LASP1: variants seen among roughly 807,000 people sequenced by gnomAD.
The protein encoded by LASP1 is LIM and SH3 protein 1, also known as LIM and SH3 domain protein 1.
LASP1 carries 10 observed loss-of-function variants against 38.6 expected under a neutral mutation model. The observed-to-expected ratio is 0.26, with a 90% CI of 0.16 to 0.44. The LOEUF (loss-of-function observed/expected upper bound fraction) is 0.44. LASP1 is among the 20% of genes least tolerant of loss of function. LASP1 has a pLI of 1.00. For missense variants in LASP1, 243 were observed against 375.7 expected, an observed-to-expected ratio of 0.65 and a Z score of 2.92; for synonymous variants, 132 against 140.8, an observed-to-expected ratio of 0.94 and a Z score of 0.44.
At chr17:38,914,993 G>T in intron 5 of LASP1, 50 bp from the exon 6 acceptor site, 1 of 1,570,292 alleles carries the variant, frequency 6.4e-7, no homozygotes, top group Non-Finnish European at 8.8e-7. Context: ...TCTGGGAGGG[G>T]CTGGGTTTGG....
chr17:38,895,244 G>A (rs182668608), intron 3 of LASP1, among the ~76,000 whole-genome samples: 3 of 150,880 alleles, frequency 2.0e-5, no homozygotes, highest in Admixed American at 6.6e-5. Context: ...TCCTGGGCTC[G>A]AGTGATCCAC....
chr17:38,901,935 G>C (rs1914651921), intron 4 of LASP1, among the ~76,000 whole-genome samples: 1 of 151,820 alleles, frequency 6.6e-6, no homozygotes, highest in African/African-American at 2.4e-5. Flanking sequence ...CCGGCTAATA[G>C]TTTTTGTATT....
chr17:38,920,951 A>G lies in LASP1; in HGVS notation c.*2173A>G, dbSNP rs1915282828. ...GTGGTGAGTGGAAGGGAGGAGCAGC[A>G]AGAAGCAGCCTGTTTTCACTCAGCT... is the stretch of plus-strand genomic sequence containing the variant. On this transcript the variant is annotated 3_prime_UTR_variant, in exon 7 of 7. Transcript: ENST00000318008. The G allele has an allele frequency of 2.2e-5, 5 of 232,440 alleles. No individual in the cohort carries two copies. The East Asian group carries it at 3.0e-4, about 14-fold the overall frequency. The allele number at this position is 232,440 out of a possible 1,614,324, so 14.4% of individuals were successfully genotyped here. A position where few individuals can be genotyped will look rare whatever the true frequency, so the allele number is the denominator to read the frequency against.
At chr17:38,890,312 G>A (rs528713386) in intron 2 of LASP1, 108 bp from the exon 3 acceptor site, 110 of 984,496 alleles carry the variant, frequency 1.1e-4, no homozygotes, top group Non-Finnish European at 1.7e-4. Flanking sequence ...GGGCCAGGGC[G>A]TGCCCAAGCA....
intron 5 of LASP1, 180 bp from the exon 6 acceptor site, chr17:38,914,863 C>T: frequency 1.6e-6 from 1 of 628,348 alleles, no homozygotes; most frequent in Non-Finnish European, 2.8e-6. Context: ...GGGCTCAGAG[C>T]CCCTGCGTGG....
chr17:38,872,877 C>T (rs1304224301), intron 1 of LASP1, among the ~76,000 whole-genome samples: 1 of 152,192 alleles, frequency 6.6e-6, no homozygotes, highest in South Asian at 2.1e-4. Flanking sequence ...ACCCTGCCCC[C>T]AACCTGCAGT....
chr17:38,909,472 T>A (rs913853099), intron 4 of LASP1, among the ~76,000 whole-genome samples: 1 of 152,020 alleles, frequency 6.6e-6, no homozygotes, highest in Admixed American at 6.6e-5. Flanking sequence ...CCGGGCGTGG[T>A]GGCAGTTGCC....
At chr17:38,905,539 A>AAAAAG in intron 4 of LASP1, among the ~76,000 whole-genome samples, 1 of 146,534 alleles carries the variant, frequency 6.8e-6, no homozygotes, top group African/African-American at 2.7e-5. Context: ...TCAAAAAAAA[A>AAAAAG]AAAAAAAAAA....
Position 38,918,819 on chromosome 17 carries a change from A to G in LASP1, c.*41A>G. ...ATCTGTCTTCAGCACATTCCACGGC[A>G]TCGCATCCGTCCTGGGCGTGACCCG... On this transcript the variant is annotated 3_prime_UTR_variant, in exon 7 of 7. Coordinates refer to ENST00000318008, the MANE Select transcript of LASP1 (RefSeq NM_006148.4). This position sits in a 1 kb window ranked among gnomAD's most constrained non-coding sequence, Gnocchi z 4.4. The G allele has an allele frequency of 6.2e-7, 1 of 1,605,478 alleles. No individual in the cohort carries two copies. The highest frequency in any genetic ancestry group is 8.5e-7 in the Non-Finnish European group (1 of 1,175,426).
In LASP1 at chr17:38,919,060, G is replaced by C; in HGVS notation, c.*282G>C. 1 of 335,442 alleles carries C rather than the reference G, an allele frequency of 3.0e-6. No homozygotes were observed. Among genetic ancestry groups the C allele is most frequent in the Admixed American group, 5.1e-5 (1 of 19,754 alleles). 20.8% of individuals were successfully genotyped at this position (335,442 alleles called of 1,614,324 possible). ...GCAGGGCTGGAATGGGAGACCTGTT[G>C]GCCTGTGGGCCTCACCTGCCCCTCT... On this transcript the variant is annotated 3_prime_UTR_variant, in exon 7 of 7. Coordinates refer to ENST00000318008, the MANE Select transcript of LASP1 (RefSeq NM_006148.4).
intron 3 of LASP1, among the ~76,000 whole-genome samples, chr17:38,896,190 C>T (rs968230448): frequency 6.6e-6 from 1 of 152,192 alleles, no homozygotes; most frequent in Non-Finnish European, 1.5e-5. Context: ...TTCTGCCACC[C>T]CTTCCATACC....
chr17:38,883,237 G>A (rs1014894377), intron 2 of LASP1, among the ~76,000 whole-genome samples: 4 of 152,052 alleles, frequency 2.6e-5, no homozygotes, highest in Middle Eastern at 3.2e-3. Flanking sequence ...TAAATTAGCC[G>A]AGTGTGGTGG....
At chr17:38,915,282 G>A in intron 6 of LASP1, 136 bp downstream of exon 6, 1 of 713,262 alleles carries the variant, frequency 1.4e-6, no homozygotes, top group Non-Finnish European at 2.3e-6. Context: ...AGCCTTGTGA[G>A]CAGAGAGGAA....
At chr17:38,904,728 T>C (rs562612993) in intron 4 of LASP1, 2 of 152,368 alleles carry the variant, frequency 1.3e-5, no homozygotes, top group East Asian at 3.8e-4. Context: ...AAGATATCTT[T>C]GCTGCAGGCA....
At chr17:38,885,282 A>G (rs1485032345) in intron 2 of LASP1, among the ~76,000 whole-genome samples, 3 of 152,302 alleles carry the variant, frequency 2.0e-5, no homozygotes, top group South Asian at 4.1e-4. Flanking sequence ...AAACGGCACA[A>G]TGAGAATGCC....
chr17:38,892,189 G>C (rs2143772252), intron 3 of LASP1, among the ~76,000 whole-genome samples: 1 of 152,200 alleles, frequency 6.6e-6, no homozygotes, highest in South Asian at 2.1e-4. Flanking sequence ...AAAAGACCCA[G>C]CGTCTCTGTC....
chr17:38,890,129 C>T lies in LASP1; in HGVS notation c.165-291C>T, dbSNP rs1367900524. On this transcript the variant is annotated intron_variant, in intron 2 of 6. Coordinates refer to ENST00000318008, the MANE Select transcript of LASP1 (RefSeq NM_006148.4). ...ATTATCCCCAAACAAGGGTAACCTT[C>T]AACCCTCAGAGAGTGGCCCAGTGGC... 1.3e-5 allele frequency: 5 copies of T among 372,006 alleles called. No individual in the cohort carries two copies. The East Asian group carries it at 2.4e-4, about 18-fold the overall frequency. The allele number at this position is 372,006 out of a possible 1,614,324, so 23.0% of individuals were successfully genotyped here. A position where few individuals can be genotyped will look rare whatever the true frequency, so the allele number is the denominator to read the frequency against.
Position 38,914,380 on chromosome 17 carries a change from G to A in LASP1, c.413G>A (p.Gly138Asp). 1 of 1,612,262 alleles carries A rather than the reference G, an allele frequency of 6.2e-7. No individual in the cohort carries two copies. Among genetic ancestry groups the A allele is most frequent in the Non-Finnish European group, 8.5e-7 (1 of 1,179,956 alleles). ...KSRMGPSGGE[G>D]MEPERRDSQD... is the part of the protein sequence containing the mutation. Reference sequence around the variant, plus strand: ...CGCATGGGCCCTAGCGGGGGCGAGGGCATGGAGCCAGAGCGTCGGGATTCA... The same window carrying A: ...CGCATGGGCCCTAGCGGGGGCGAGGACATGGAGCCAGAGCGTCGGGATTCA... Residue 138 changes from glycine to aspartate, a missense_variant, in exon 5 of 7, where the codon GGC (glycine) becomes GAC (aspartate). Gly to Asp is a moderately conservative substitution (Grantham distance 94, BLOSUM62 -1). Around this residue, in one of 4 missense-constraint regions of LASP1, gnomAD observed 165 missense variants for 210.3 expected, o/e 0.78. Coordinates refer to ENST00000318008, the MANE Select transcript of LASP1 (RefSeq NM_006148.4).
chr17:38,909,874 A>G (rs1914884771), intron 4 of LASP1, among the ~76,000 whole-genome samples: 1 of 152,108 alleles, frequency 6.6e-6, no homozygotes, highest in Non-Finnish European at 1.5e-5. Context: ...CGGCTTCCCA[A>G]GTAGCTGGGA....
Sources: gnomAD v4.1 joint callset for allele counts (sites outside exome capture counted in the v4.1 genomes callset) on GRCh38, gnomAD v4.1.1 for gene constraint, gnomAD v4.1.1 regional missense constraint, Gnocchi (gnomAD v3.1) non-coding constraint, MANE v1.5 for transcripts, NCBI Gene and HGNC (gene_info 2026-07-23, HGNC 2026-07-21) for gene names.